The following KATNAL2 variants were observed in gnomAD, a reference collection of about 807,000 sequenced individuals.
The protein encoded by KATNAL2 is katanin p60 ATPase-containing subunit A-like 2.
Under a neutral mutation model 76.3 loss-of-function variants are expected in KATNAL2, and 52 were observed. The ratio of observed to expected loss-of-function variants is 0.68; its 90% CI spans 0.55 to 0.86. The LOEUF is 0.86. Ranked by LOEUF, KATNAL2 falls within the 40% of genes least tolerant of loss-of-function variation. KATNAL2 has a pLI of 0.00. For missense variants in KATNAL2, 660 were observed against 668.9 expected, an observed-to-expected ratio of 0.99 and a Z score of 0.15; for synonymous variants, 243 against 244.2, an observed-to-expected ratio of 1.00 and a Z score of 0.05.
chr18:46,956,303 G>C (rs1429730785), intron 3 of KATNAL2, among the ~76,000 whole-genome samples: 1 of 152,110 alleles, frequency 6.6e-6, no homozygotes, highest in Non-Finnish European at 1.5e-5. Flanking sequence ...ACATGGTACT[G>C]GTGTTTTGAG....
At chr18:46,922,712 G>A (rs1048665349) in intron 1 of KATNAL2, among the ~76,000 whole-genome samples, 9 of 151,718 alleles carry the variant, frequency 5.9e-5, no homozygotes, top group African/African-American at 1.7e-4. Flanking sequence ...CAGGAGAATC[G>A]CTTGAACCCA....
Position 47,100,271 on chromosome 18 carries a change from A to C in KATNAL2, c.1392A>C (p.Ser464=), listed in dbSNP as rs1177310015. Residue 464 remains serine, a synonymous_variant, in exon 17 of 18, where the codon TCA becomes TCC. Coordinates refer to ENST00000683218, the MANE Select transcript of KATNAL2 (RefSeq NM_001387690.1). ...SVLSQETEGY[S]GSDIKLVCRE... is the part of the protein sequence containing the mutation. ...TGTTTCAGGAGACTGAGGGCTACTC[A>C]GGCTCAGATATTAAGCTCGTCTGCA... 6.2e-6 allele frequency: 10 copies of C among 1,613,998 alleles called. No homozygotes were observed. Among genetic ancestry groups the C allele is most frequent in the African/African-American group, 1.3e-5 (1 of 75,042 alleles).
At chr18:47,074,302 G>C (rs1460320913) in intron 13 of KATNAL2, among the ~76,000 whole-genome samples, 1 of 152,190 alleles carries the variant, frequency 6.6e-6, no homozygotes, top group East Asian at 1.9e-4. Context: ...TTCCTGTTCA[G>C]TGACAGGGAG....
At chr18:47,063,481 C>T in intron 10 of KATNAL2, 120 bp downstream of exon 10, 1 of 674,022 alleles carries the variant, frequency 1.5e-6, no homozygotes, top group Non-Finnish European at 2.5e-6. Flanking sequence ...AGTGCCCCCA[C>T]TTGCGCAGGC....
At chr18:46,919,007 A>ATATATG (rs550181494) in intron 1 of KATNAL2, among the ~76,000 whole-genome samples, 73 of 143,310 alleles carry the variant, frequency 5.1e-4, no homozygotes, top group African/African-American at 1.7e-3. Context: ...ATATATATAT[A>ATATATG]TGTGTGTGTG....
chr18:46,925,396 A>G (rs899208792), intron 1 of KATNAL2, among the ~76,000 whole-genome samples: 4 of 152,042 alleles, frequency 2.6e-5, no homozygotes, highest in African/African-American at 7.2e-5. Context: ...ATTGATTTGC[A>G]TATGTTGAAC....
At position 47,054,432 on chromosome 18, in the gene KATNAL2, C is replaced by T. The variant is rs1216048931; in HGVS notation, c.326C>T (p.Thr109Ile). The stretch of plus-strand genomic sequence containing the variant: ...TTACCGCAAAGAAGTAGAGGGAAGA[C>T]CAGAAGGTAAAGTGAATGGTAATTC... ...NNLPQRSRGK[T>I]RRMMNDSCQN... The change falls in exon 6 of 18, where the codon ACC (threonine) becomes ATC (isoleucine). Residue 109 changes from threonine (T) to isoleucine (I), a missense_variant. By Grantham distance (89) the Thr-to-Ile change is moderately conservative. Transcript: ENST00000683218. The T allele has an allele frequency of 1.9e-6, 3 of 1,613,572 alleles. No homozygotes were observed. In the South Asian group the frequency reaches 3.3e-5, roughly 18 times the overall value.
At chr18:47,033,010 C>T (rs778495814) in intron 3 of KATNAL2, 13 of 1,613,996 alleles carry the variant, frequency 8.1e-6, no homozygotes, top group Non-Finnish European at 6.8e-6. Context: ...AGTTTATCGT[C>T]GGGAGAATCT....
chr18:47,034,455 A>G (rs200106579), intron 3 of KATNAL2: 17 of 1,614,172 alleles, frequency 1.1e-5, no homozygotes, highest in African/African-American at 1.3e-5. Context: ...TGTCCCTGGC[A>G]CTTGCCCAGG....
chr18:47,080,735 C>T (rs1437048567), intron 15 of KATNAL2, among the ~76,000 whole-genome samples: 1 of 152,164 alleles, frequency 6.6e-6, no homozygotes, highest in African/African-American at 2.4e-5. Flanking sequence ...TTATTGTAGC[C>T]ATCCGAGTGG....
intron 1 of KATNAL2, among the ~76,000 whole-genome samples, chr18:46,932,791 G>T (rs2058972050): frequency 6.6e-6 from 1 of 151,254 alleles, no homozygotes; most frequent in East Asian, 2.0e-4. Context: ...TTGAGACAGA[G>T]TCTTGCTCTG....
chr18:47,036,506 C>T (rs1220728546), intron 3 of KATNAL2, among the ~76,000 whole-genome samples: 1 of 152,180 alleles, frequency 6.6e-6, no homozygotes, highest in Non-Finnish European at 1.5e-5. Flanking sequence ...TTGTTTTGTG[C>T]TCTTTCTTCA....
intron 11 of KATNAL2, among the ~76,000 whole-genome samples, chr18:47,068,171 G>A (rs1193398075): frequency 6.6e-6 from 1 of 152,196 alleles, no homozygotes; most frequent in African/African-American, 2.4e-5. Flanking sequence ...TTCAAATGTT[G>A]GAGAAATAGG....
At chr18:47,071,035 T>A (rs541538911) in intron 13 of KATNAL2, among the ~76,000 whole-genome samples, 2 of 152,294 alleles carry the variant, frequency 1.3e-5, no homozygotes, top group African/African-American at 4.8e-5. Flanking sequence ...GGTCTACTTA[T>A]ATGGGGAATT....
rs190089385 is a variant in KATNAL2 at position 47,048,926 on chromosome 18, C to A, written c.122+2399C>A. ...CTCGGCTCACTGCAAGCTCCGCCTC[C>A]TGGGTTCAGGCCATTCTCCTGCCTC... On this transcript the variant is annotated intron_variant, in intron 4 of 17. Transcript: ENST00000683218. Among the ~76,000 whole-genome samples, 65 of 150,834 alleles carry A rather than the reference C, an allele frequency of 4.3e-4. No individual in the cohort carries two copies. The East Asian group carries it at 8.5e-3, about 20-fold the overall frequency.
chr18:47,035,096 G>T lies in KATNAL2; in HGVS notation c.52-11361G>T, dbSNP rs767426854. 3.7e-6 allele frequency: 6 copies of T among 1,610,884 alleles called. No homozygotes were observed. In the South Asian group the frequency reaches 5.5e-5, roughly 15 times the overall value. On this transcript the variant is annotated intron_variant, in intron 3 of 17. Transcript: ENST00000683218. The stretch of plus-strand genomic sequence containing the variant: ...AAGTCGCCCACGTGCTGGTGCTTCC[G>T]CAGGCGCTTCACCGTCTTTCTGATT...
intron 1 of KATNAL2, among the ~76,000 whole-genome samples, chr18:46,943,157 C>T (rs957806239): frequency 1.4e-4 from 21 of 152,108 alleles, no homozygotes; most frequent in African/African-American, 4.8e-4. Context: ...CATAGACTCT[C>T]ATCCTTGGCA....
intron 8 of KATNAL2, among the ~76,000 whole-genome samples, chr18:47,060,530 G>A (rs1408873837): frequency 1.3e-5 from 2 of 152,154 alleles, no homozygotes; most frequent in Admixed American, 6.5e-5. Context: ...GGTGGATGTA[G>A]TCAAAAGGTA....
At chr18:46,918,417 T>C (rs1046781599) in intron 1 of KATNAL2, among the ~76,000 whole-genome samples, 1 of 152,184 alleles carries the variant, frequency 6.6e-6, no homozygotes, top group Admixed American at 6.5e-5. Flanking sequence ...CGCACTGCAC[T>C]TCCAGGTCTT....
Sources: gnomAD v4.1 joint callset for allele counts (sites outside exome capture counted in the v4.1 genomes callset) on GRCh38, gnomAD v4.1.1 for gene constraint, MANE v1.5 for transcripts, NCBI Gene and HGNC (gene_info 2026-07-23, HGNC 2026-07-21) for gene names.